ENTHD1: variants seen among roughly 807,000 people sequenced by gnomAD.
ENTHD1 encodes the protein ENTH domain-containing protein 1.
ENTHD1 carries 23 observed loss-of-function variants against 39.1 expected under a neutral mutation model. The ratio of observed to expected loss-of-function variants is 0.59; its 90% CI spans 0.42 to 0.83. The LOEUF (loss-of-function observed/expected upper bound fraction) is 0.83, where lower values mean the gene tolerates loss of function less well. ENTHD1 is among the 40% of genes least tolerant of loss of function. ENTHD1 has a pLI of 0.00. For synonymous variants in ENTHD1, 230 were observed against 258.2 expected, an observed-to-expected ratio of 0.89 and a Z score of 1.05; for missense variants, 624 against 705.4, an observed-to-expected ratio of 0.88 and a Z score of 1.31.
intron 3 of ENTHD1, among the ~76,000 whole-genome samples, chr22:39,844,107 T>C (rs980000841): frequency 6.6e-6 from 1 of 152,092 alleles, no homozygotes; most frequent in Non-Finnish European, 1.5e-5. Context: ...TCTTGGTAGA[T>C]GAATTTTGAG....
chr22:39,862,587 G>A (rs938816761), intron 2 of ENTHD1, among the ~76,000 whole-genome samples: 5 of 151,154 alleles, frequency 3.3e-5, no homozygotes, highest in African/African-American at 1.2e-4. Context: ...ATAATACTTT[G>A]CAATAATCAA....
At chr22:39,771,853 G>T (rs986944143) in intron 5 of ENTHD1, among the ~76,000 whole-genome samples, 2 of 152,088 alleles carry the variant, frequency 1.3e-5, no homozygotes, top group South Asian at 2.1e-4. Flanking sequence ...GAAGTACTTC[G>T]GGTTGAAGAC....
intron 4 of ENTHD1, among the ~76,000 whole-genome samples, chr22:39,828,119 T>C (rs1228118312): frequency 2.6e-5 from 4 of 152,186 alleles, no homozygotes; most frequent in African/African-American, 4.8e-5. Context: ...GCAATACATA[T>C]TGAATGAGAC....
chr22:39,748,342 CAGAA>C (rs2065122833), intron 6 of ENTHD1, among the ~76,000 whole-genome samples: 1 of 151,264 alleles, frequency 6.6e-6, no homozygotes, highest in Admixed American at 6.6e-5. Flanking sequence ...TCCTTCTAGT[CAGAA>C]AGAATAACTT....
chr22:39,830,625 A>G (rs1035601353), intron 4 of ENTHD1, among the ~76,000 whole-genome samples: 2 of 152,162 alleles, frequency 1.3e-5, no homozygotes, highest in Non-Finnish European at 2.9e-5. Context: ...CTTTCACAGG[A>G]AAAAAAGAGA....
chr22:39,875,488 C>T (rs1393406149), intron 2 of ENTHD1: 5 of 1,577,952 alleles, frequency 3.2e-6, no homozygotes, highest in East Asian at 2.2e-5. Flanking sequence ...CTTTGGTCGC[C>T]TCCGTGGGCC....
intron 4 of ENTHD1, among the ~76,000 whole-genome samples, chr22:39,833,445 T>G (rs192017091): frequency 4.6e-5 from 7 of 152,012 alleles, no homozygotes; most frequent in Admixed American, 3.3e-4. Flanking sequence ...TAAAATAAAT[T>G]TACTAAACAT....
chr22:39,865,982 G>C (rs2066179044), intron 2 of ENTHD1, among the ~76,000 whole-genome samples: 1 of 152,172 alleles, frequency 6.6e-6, no homozygotes, highest in Non-Finnish European at 1.5e-5. Flanking sequence ...GCCACCAACA[G>C]CTCTAGATTC....
At chr22:39,836,914 C>T (rs2065911249) in intron 3 of ENTHD1, among the ~76,000 whole-genome samples, 1 of 152,176 alleles carries the variant, frequency 6.6e-6, no homozygotes, top group South Asian at 2.1e-4. Flanking sequence ...CTCAGCCATG[C>T]TTCCTGTACA....
chr22:39,774,796 G>A (rs1414442194), intron 5 of ENTHD1, among the ~76,000 whole-genome samples: 2 of 152,014 alleles, frequency 1.3e-5, no homozygotes, highest in Non-Finnish European at 2.9e-5. Context: ...CTCCCTCTCA[G>A]CACTAAGCCT....
At chr22:39,746,683 A>G (rs2065108013) in intron 6 of ENTHD1, among the ~76,000 whole-genome samples, 1 of 152,120 alleles carries the variant, frequency 6.6e-6, no homozygotes, top group South Asian at 2.1e-4. Flanking sequence ...GTTCTAGGAG[A>G]AAAGTTATCC....
Position 39,875,309 on chromosome 22 carries a change from C to G in ENTHD1, c.349+12091G>C, listed in dbSNP as rs2066278864. ...TAAAGAAATTCGGTCGGTCGCAGCC[C>G]GCTCGGGCCCGTTCGCGCCCGTCCT... On this transcript the variant is annotated intron_variant, in intron 2 of 6. Transcript: ENST00000325157. 4 of 1,271,222 alleles carry G rather than the reference C, an allele frequency of 3.1e-6. No homozygotes were observed. In the Admixed American group the frequency reaches 1.2e-4, roughly 40 times the overall value. 78.7% of individuals were successfully genotyped at this position (1,271,222 alleles called of 1,614,324 possible).
chr22:39,807,867 G>A (rs2065655926), intron 5 of ENTHD1, among the ~76,000 whole-genome samples: 1 of 151,804 alleles, frequency 6.6e-6, no homozygotes, highest in Non-Finnish European at 1.5e-5. Context: ...AGGGGTGTGT[G>A]TGTGTATATA....
At chr22:39,821,236 TAACTC>T (rs1378075882) in intron 4 of ENTHD1, 123 bp from the exon 5 acceptor site, 1 of 1,207,214 alleles carries the variant, frequency 8.3e-7, no homozygotes, top group African/African-American at 1.5e-5. Context: ...CTAATTTAAT[TAACTC>T]AAACATACAT....
chr22:39,864,636 A>C (rs1569173766), intron 2 of ENTHD1, among the ~76,000 whole-genome samples: 1 of 152,192 alleles, frequency 6.6e-6, no homozygotes, highest in African/African-American at 2.4e-5. Context: ...GTAGATGCTC[A>C]GTAAATATTT....
intron 6 of ENTHD1, among the ~76,000 whole-genome samples, chr22:39,745,717 G>A (rs889633739): frequency 3.9e-5 from 6 of 152,168 alleles, no homozygotes; most frequent in African/African-American, 9.7e-5. Context: ...TGTTAATGAC[G>A]ATAGCCATGA....
intron 6 of ENTHD1, among the ~76,000 whole-genome samples, chr22:39,747,224 A>G (rs372581774): frequency 1.2e-4 from 19 of 152,152 alleles, no homozygotes; most frequent in African/African-American, 4.1e-4. Context: ...CCTGGCCTCA[A>G]GTGATCCTCA....
intron 5 of ENTHD1, among the ~76,000 whole-genome samples, chr22:39,778,509 A>G (rs886536033): frequency 6.6e-6 from 1 of 152,218 alleles, no homozygotes; most frequent in African/African-American, 2.4e-5. Context: ...CAAGCCTTTA[A>G]ATATCATTTC....
At chr22:39,885,726 C>T (rs2066374092) in intron 2 of ENTHD1, among the ~76,000 whole-genome samples, 2 of 152,094 alleles carry the variant, frequency 1.3e-5, no homozygotes, top group South Asian at 4.1e-4. Context: ...ATAAGCGACA[C>T]AAAATAACAA....
Sources: gnomAD v4.1 joint callset for allele counts (sites outside exome capture counted in the v4.1 genomes callset) on GRCh38, gnomAD v4.1.1 for gene constraint, MANE v1.5 for transcripts, NCBI Gene and HGNC (gene_info 2026-07-23, HGNC 2026-07-21) for gene names.